The following C8orf34 variants were observed in gnomAD, a reference collection of about 807,000 sequenced individuals.
The protein encoded by C8orf34 is chromosome 8 open reading frame 34, also known as uncharacterized protein C8orf34.
Under a neutral mutation model 68.3 loss-of-function variants are expected in C8orf34, and 65 were observed. That is an observed-to-expected ratio of 0.95 (90% confidence interval 0.78 to 1.17). The LOEUF (loss-of-function observed/expected upper bound fraction) is 1.17, where lower values mean the gene tolerates loss of function less well. C8orf34 is among the 50% of genes most tolerant of loss of function. The pLI is 0.00. For missense variants in C8orf34, 664 were observed against 655.4 expected, an observed-to-expected ratio of 1.01 and a Z score of -0.14; for synonymous variants, 244 against 241.2, an observed-to-expected ratio of 1.01 and a Z score of -0.11.
Position 68,435,142 on chromosome 8 carries a change from T to C in C8orf34, c.328-4357T>C, listed in dbSNP as rs542977518. On this transcript the variant is annotated intron_variant, in intron 1 of 13. Transcript: ENST00000518698. ...TTATTCATATATAATATTACAAGTG[T>C]ATATTGATAAATATTGTAATCATAG... 2.7e-5 allele frequency among the ~76,000 whole-genome samples: 4 copies of C among 149,332 alleles called. No homozygotes were observed. In the East Asian group the frequency reaches 5.8e-4, roughly 22 times the overall value.
intron 8 of C8orf34, among the ~76,000 whole-genome samples, chr8:68,671,836 C>T (rs1046539255): frequency 3.9e-5 from 6 of 151,952 alleles, no homozygotes; most frequent in Non-Finnish European, 5.9e-5. Context: ...TTTCCTTTAA[C>T]GAAAAGGGTT....
At chr8:68,414,037 A>G (rs922593675) in intron 1 of C8orf34, among the ~76,000 whole-genome samples, 1 of 152,142 alleles carries the variant, frequency 6.6e-6, no homozygotes, top group Non-Finnish European at 1.5e-5. Flanking sequence ...GAGCCTTTGC[A>G]TGGACTATTC....
chr8:68,707,603 G>T (rs1344501007), intron 8 of C8orf34, among the ~76,000 whole-genome samples: 1 of 151,808 alleles, frequency 6.6e-6, no homozygotes, highest in Non-Finnish European at 1.5e-5. Context: ...AGAGACAGGG[G>T]CTCACTCTGT....
intron 10 of C8orf34, among the ~76,000 whole-genome samples, chr8:68,768,108 A>G (rs947581025): frequency 2.0e-5 from 3 of 152,194 alleles, no homozygotes; most frequent in African/African-American, 4.8e-5. Flanking sequence ...AACGTATTTG[A>G]TACATAGCAA....
intron 1 of C8orf34, among the ~76,000 whole-genome samples, chr8:68,403,249 T>C (rs1242911405): frequency 1.3e-5 from 2 of 152,190 alleles, no homozygotes; most frequent in Non-Finnish European, 2.9e-5. Context: ...TGTGTCATGC[T>C]CCATCCCTTA....
At chr8:68,348,686 G>T (rs924793231) in intron 1 of C8orf34, among the ~76,000 whole-genome samples, 1 of 151,894 alleles carries the variant, frequency 6.6e-6, no homozygotes, top group African/African-American at 2.4e-5. Flanking sequence ...CTCCTCCCTG[G>T]TTAGCTGTAT....
chr8:68,583,138 A>G (rs771359503), intron 7 of C8orf34, among the ~76,000 whole-genome samples: 3 of 152,080 alleles, frequency 2.0e-5, no homozygotes, highest in African/African-American at 4.8e-5. Flanking sequence ...AATAATCCTT[A>G]TGCAAAAGAG....
intron 7 of C8orf34, among the ~76,000 whole-genome samples, chr8:68,595,744 A>G (rs914303473): frequency 1.3e-5 from 2 of 152,036 alleles, no homozygotes; most frequent in African/African-American, 2.4e-5. Context: ...TTTTTTCTGT[A>G]TATCTTTCTC....
intron 7 of C8orf34, among the ~76,000 whole-genome samples, chr8:68,623,132 T>C (rs892685292): frequency 6.6e-6 from 1 of 152,208 alleles, no homozygotes; most frequent in Non-Finnish European, 1.5e-5. Flanking sequence ...TAAACTCTAT[T>C]AACCAAATGT....
chr8:68,699,073 T>C (rs1250917986), intron 8 of C8orf34, among the ~76,000 whole-genome samples: 1 of 152,002 alleles, frequency 6.6e-6, no homozygotes, highest in African/African-American at 2.4e-5. Flanking sequence ...ACACAAATTC[T>C]TGGGCTCTAC....
intron 4 of C8orf34, among the ~76,000 whole-genome samples, chr8:68,474,862 G>A (rs1401066760): frequency 6.6e-6 from 1 of 152,156 alleles, no homozygotes; most frequent in Non-Finnish European, 1.5e-5. Flanking sequence ...GAAAAAGTAG[G>A]CTAGCTTGGT....
At chr8:68,498,569 G>C (rs1188703203) in intron 5 of C8orf34, among the ~76,000 whole-genome samples, 2 of 152,128 alleles carry the variant, frequency 1.3e-5, no homozygotes, top group African/African-American at 4.8e-5. Flanking sequence ...GTTAATGATA[G>C]TGCTGATATA....
At chr8:68,565,170 C>A (rs868679018) in intron 7 of C8orf34, among the ~76,000 whole-genome samples, 2 of 152,074 alleles carry the variant, frequency 1.3e-5, no homozygotes, top group Non-Finnish European at 2.9e-5. Flanking sequence ...CTACTTCGTT[C>A]TTTTTTGCCC....
At chr8:68,743,936 C>G (rs1207208409) in intron 10 of C8orf34, among the ~76,000 whole-genome samples, 1 of 152,144 alleles carries the variant, frequency 6.6e-6, no homozygotes, top group African/African-American at 2.4e-5. Context: ...GGGCAGGGCA[C>G]AGACAAACAA....
At chr8:68,340,336 C>G (rs1806020239) in intron 1 of C8orf34, among the ~76,000 whole-genome samples, 1 of 151,994 alleles carries the variant, frequency 6.6e-6, no homozygotes, top group African/African-American at 2.4e-5. Flanking sequence ...CACGCAGTAA[C>G]ACAAATGAAT....
At chr8:68,709,139 G>A in intron 9 of C8orf34, 60 bp downstream of exon 9, 1 of 1,334,802 alleles carries the variant, frequency 7.5e-7, no homozygotes, top group South Asian at 1.3e-5. Flanking sequence ...GATTAAAGAA[G>A]TAAAGGAAAA....
intron 10 of C8orf34, among the ~76,000 whole-genome samples, chr8:68,743,583 G>T (rs563901132): frequency 6.6e-6 from 1 of 152,336 alleles, no homozygotes; most frequent in East Asian, 1.9e-4. Context: ...AGCGCAAGGG[G>T]TCAGGGAGTT....
chr8:68,615,972 G>C lies in C8orf34; in HGVS notation c.1106-24404G>C, dbSNP rs1818197894. Among the ~76,000 whole-genome samples, 3 of 151,158 alleles carry C rather than the reference G, an allele frequency of 2.0e-5. No individual in the cohort carries two copies. In the South Asian group the frequency reaches 6.3e-4, roughly 32 times the overall value. On this transcript the variant is annotated intron_variant, in intron 7 of 13. Coordinates refer to ENST00000518698, the MANE Select transcript of C8orf34 (RefSeq NM_052958.4). ...GATTATTGCCACAATTTCAGAGCCT[G>C]TTATTGGTCTATTCAGAGATTAAAC...
chr8:68,602,863 G>T (rs973579937), intron 7 of C8orf34, among the ~76,000 whole-genome samples: 6 of 152,046 alleles, frequency 3.9e-5, no homozygotes, highest in African/African-American at 1.2e-4. Flanking sequence ...GGTAGGGCAG[G>T]TATTGCCCCC....
Sources: gnomAD v4.1 joint callset for allele counts (sites outside exome capture counted in the v4.1 genomes callset) on GRCh38, gnomAD v4.1.1 for gene constraint, MANE v1.5 for transcripts, NCBI Gene and HGNC (gene_info 2026-07-23, HGNC 2026-07-21) for gene names.